Variants in DLGAP2 observed in about 807,000 individuals in gnomAD.
The protein encoded by DLGAP2 is DLG associated protein 2.
In DLGAP2, 26 loss-of-function variants were observed where a neutral mutation model predicts 100.3. The observed-to-expected ratio is 0.26, with a 90% CI of 0.19 to 0.36. The LOEUF (loss-of-function observed/expected upper bound fraction) is 0.36. Among genes scored for constraint, DLGAP2 ranks in the 10% least tolerant of loss-of-function variants. The pLI is 1.00. For missense variants in DLGAP2, 1,858 were observed against 1,453.2 expected (o/e 1.28, Z -4.53); for synonymous variants, 886 against 630.1 (o/e 1.41, Z -6.08).
At chr8:821,568 G>T (rs190869934) in intron 1 of DLGAP2, among the ~76,000 whole-genome samples, 1 of 152,288 alleles carries the variant, frequency 6.6e-6, no homozygotes, top group African/African-American at 2.4e-5. Context: ...ATGCTACACT[G>T]AATTTCATCT....
chr8:1,551,795 T>C (rs2130527374), intron 5 of DLGAP2, among the ~76,000 whole-genome samples: 1 of 150,258 alleles, frequency 6.7e-6, no homozygotes, highest in South Asian at 2.1e-4. Context: ...CCACACGGAA[T>C]GATGAGTACG....
chr8:1,119,340 A>G (rs1795981823), intron 2 of DLGAP2, among the ~76,000 whole-genome samples: 1 of 152,240 alleles, frequency 6.6e-6, no homozygotes, highest in South Asian at 2.1e-4. Context: ...TTAGCTAGAA[A>G]GAAGCTCCAG....
At chr8:861,993 GT>G (rs1181795811) in intron 1 of DLGAP2, among the ~76,000 whole-genome samples, 13 of 152,166 alleles carry the variant, frequency 8.5e-5, no homozygotes, top group African/African-American at 2.9e-4. Flanking sequence ...CCCACCAACT[GT>G]TTAGACTAAA....
chr8:1,626,004 G>A (rs1283099531), intron 6 of DLGAP2, among the ~76,000 whole-genome samples: 1 of 147,668 alleles, frequency 6.8e-6, no homozygotes, highest in Admixed American at 6.7e-5. Context: ...TTGGACGGCT[G>A]TTCCCATCTC....
intron 3 of DLGAP2, among the ~76,000 whole-genome samples, chr8:1,261,158 G>T (rs1799340355): frequency 6.6e-6 from 1 of 152,050 alleles, no homozygotes. Flanking sequence ...TCAGCTTCCA[G>T]ATCTTTAAAA....
At chr8:1,595,142 G>A (rs1252915192) in intron 6 of DLGAP2, among the ~76,000 whole-genome samples, 1 of 152,042 alleles carries the variant, frequency 6.6e-6, no homozygotes, top group Non-Finnish European at 1.5e-5. Context: ...CCGGGTGCAA[G>A]CGATTCTCCC....
chr8:1,508,114 C>A (rs1343880100), intron 4 of DLGAP2, among the ~76,000 whole-genome samples: 2 of 151,936 alleles, frequency 1.3e-5, no homozygotes, highest in African/African-American at 2.4e-5. Flanking sequence ...ACAAACACAT[C>A]AGATACCTTT....
rs1801498880 is a variant in DLGAP2, at chr8:1,344,171, G to GGGTGCCCTGTCGTGAGTCCGTGTACTGT, written c.106+85290_106+85291insTGCCCTGTCGTGAGTCCGTGTACTGTGG. On this transcript the variant is annotated intron_variant, in intron 3 of 14. Transcript: ENST00000637795. The stretch of plus-strand genomic sequence containing the variant: ...GGCCCTGTCGTGGGTCTTTGTACTC[G>GGGTGCCCTGTCGTGAGTCCGTGTACTGT]GGGCGCTGTCGTGGGTCCGTGTACT... Among the ~76,000 whole-genome samples the GGGTGCCCTGTCGTGAGTCCGTGTACTGT allele has an allele frequency of 4.0e-5, 5 of 126,316 alleles. No individual in the cohort carries two copies. In the East Asian group the frequency reaches 1.8e-3, roughly 46 times the overall value. The allele number at this position is 126,316 out of a possible 152,430, so 82.9% of individuals were successfully genotyped here.
intron 3 of DLGAP2, among the ~76,000 whole-genome samples, chr8:1,311,080 T>C (rs1800603384): frequency 6.7e-6 from 1 of 149,734 alleles, no homozygotes; most frequent in South Asian, 2.1e-4. Context: ...ACAACTAAAA[T>C]TGGAAAGGAA....
chr8:1,460,418 G>A (rs567400918), intron 3 of DLGAP2, among the ~76,000 whole-genome samples: 32 of 152,268 alleles, frequency 2.1e-4, no homozygotes, highest in Admixed American at 1.4e-3. Context: ...AGCTGATTTC[G>A]TGTCGTCCTC....
At chr8:1,362,522 C>T (rs145044007) in intron 3 of DLGAP2, among the ~76,000 whole-genome samples, 3 of 152,220 alleles carry the variant, frequency 2.0e-5, no homozygotes, top group Non-Finnish European at 4.4e-5. Flanking sequence ...GTGTGGTCCC[C>T]GTGAGCCTTG....
Position 1,267,595 on chromosome 8 carries a change from A to AAATAAAATAAAAT in DLGAP2, c.106+8712_106+8713insAATAAAATAAAAT, listed in dbSNP as rs1563051978. On this transcript the variant is annotated intron_variant, in intron 3 of 14. Coordinates refer to ENST00000637795, the MANE Select transcript of DLGAP2 (RefSeq NM_001346810.2). ...AAATAAAATAAAATAAAATAAGATA[A>AAATAAAATAAAAT]GATAAGATAAGATAAGATAAGATAA... 3.7e-4 allele frequency among the ~76,000 whole-genome samples: 19 copies of AAATAAAATAAAAT among 51,100 alleles called. 1 individual carries two copies. Among genetic ancestry groups the AAATAAAATAAAAT allele is most frequent in the African/African-American group, 1.8e-3 (19 of 10,584 alleles). The allele number at this position is 51,100 out of a possible 152,430, so 33.5% of individuals were successfully genotyped here. A position where few individuals can be genotyped will look rare whatever the true frequency, so the allele number is the denominator to read the frequency against.
chr8:1,123,579 C>T (rs1347393602), intron 2 of DLGAP2, among the ~76,000 whole-genome samples: 1 of 152,168 alleles, frequency 6.6e-6, no homozygotes, highest in African/African-American at 2.4e-5. Flanking sequence ...AAAAGTGATA[C>T]ATTATAAACC....
chr8:1,230,189 C>A (rs1439675463), intron 2 of DLGAP2, among the ~76,000 whole-genome samples: 1 of 152,098 alleles, frequency 6.6e-6, no homozygotes, highest in Non-Finnish European at 1.5e-5. Flanking sequence ...AATCAATGTA[C>A]AAAAATCAGT....
At chr8:739,215 C>G (rs1365624729) in intron 1 of DLGAP2, 1 of 152,154 alleles carries the variant, frequency 6.6e-6, no homozygotes, top group Non-Finnish European at 1.5e-5. Flanking sequence ...TTCCCGGACT[C>G]GAGGCTGGAG....
chr8:1,053,988 G>A (rs542758428), intron 2 of DLGAP2, among the ~76,000 whole-genome samples: 14 of 152,176 alleles, frequency 9.2e-5, no homozygotes, highest in African/African-American at 3.4e-4. Flanking sequence ...GAAATCTGTG[G>A]TTAGCAGTAC....
chr8:942,812 T>C (rs1035290949), intron 2 of DLGAP2, among the ~76,000 whole-genome samples: 3 of 152,122 alleles, frequency 2.0e-5, no homozygotes, highest in South Asian at 2.1e-4. Flanking sequence ...TTCATTACAG[T>C]GAAAAGACAT....
At chr8:1,143,088 G>A (rs574839681) in intron 2 of DLGAP2, among the ~76,000 whole-genome samples, 1 of 152,194 alleles carries the variant, frequency 6.6e-6, no homozygotes, top group Non-Finnish European at 1.5e-5. Context: ...GGGGCCACCA[G>A]CTGCTTGATG....
chr8:1,515,110 T>C (rs1308926051), intron 4 of DLGAP2, among the ~76,000 whole-genome samples: 1 of 152,058 alleles, frequency 6.6e-6, no homozygotes, highest in Non-Finnish European at 1.5e-5. Context: ...TGAAATGGGA[T>C]GGATGCATCC....
Sources: gnomAD v4.1 joint callset for allele counts (sites outside exome capture counted in the v4.1 genomes callset) on GRCh38, gnomAD v4.1.1 for gene constraint, MANE v1.5 for transcripts, NCBI Gene and HGNC (gene_info 2026-07-23, HGNC 2026-07-21) for gene names.